The following DCC variants were observed in gnomAD, a reference collection of about 807,000 sequenced individuals.
DCC encodes DCC netrin 1 receptor.
A neutral mutation model predicts 172.5 loss-of-function variants in DCC; 58 were observed. That is an observed-to-expected ratio of 0.34 (90% CI 0.27 to 0.42). The LOEUF (loss-of-function observed/expected upper bound fraction) is 0.42. Among genes scored for constraint, DCC ranks in the 10% least tolerant of loss-of-function variants. The pLI, the probability that DCC is intolerant of heterozygous loss-of-function variation, is 1.00. For synonymous variants in DCC, 709 were observed against 644.5 expected, an observed-to-expected ratio of 1.10 and a Z score of -1.52; for missense variants, 1,740 against 1,791.0, an observed-to-expected ratio of 0.97 and a Z score of 0.51.
intron 9 of DCC, among the ~76,000 whole-genome samples, chr18:53,203,484 G>A (rs559942626): frequency 6.6e-6 from 1 of 152,220 alleles, no homozygotes; most frequent in African/African-American, 2.4e-5. Context: ...CAGGACTGAT[G>A]GGAAATATGT....
intron 21 of DCC, among the ~76,000 whole-genome samples, chr18:53,428,385 G>A (rs1384701311): frequency 5.6e-4 from 22 of 39,478 alleles, no homozygotes; most frequent in African/African-American, 1.4e-3. Flanking sequence ...ATAATATATT[G>A]TATATAATAT....
chr18:53,174,661 A>C (rs1460208837), intron 8 of DCC, among the ~76,000 whole-genome samples: 10 of 149,364 alleles, frequency 6.7e-5, no homozygotes, highest in Middle Eastern at 3.4e-3. Context: ...CAATAACAGG[A>C]TCTGAAATTG....
chr18:52,916,960 A>T (rs952061863), intron 3 of DCC, among the ~76,000 whole-genome samples: 7 of 152,074 alleles, frequency 4.6e-5, no homozygotes, highest in East Asian at 1.9e-4. Context: ...GTGTTTTTTT[A>T]AAAATATTAT....
intron 8 of DCC, among the ~76,000 whole-genome samples, chr18:53,166,327 T>C (rs2054921289): frequency 6.6e-6 from 1 of 151,966 alleles, no homozygotes; most frequent in South Asian, 2.1e-4. Context: ...GACCTTCAAA[T>C]GGGAATGTCC....
intron 2 of DCC, among the ~76,000 whole-genome samples, chr18:52,859,258 G>C (rs898351001): frequency 6.6e-6 from 1 of 152,148 alleles, no homozygotes; most frequent in African/African-American, 2.4e-5. Flanking sequence ...ATGCTTTGTT[G>C]AGGACTAATG....
intron 12 of DCC, among the ~76,000 whole-genome samples, chr18:53,297,407 C>A (rs528044294): frequency 4.6e-5 from 7 of 152,154 alleles, no homozygotes; most frequent in African/African-American, 1.7e-4. Flanking sequence ...CTTATTTTTT[C>A]CCAAATATGA....
At chr18:53,048,554 C>T (rs28474800) in intron 5 of DCC, among the ~76,000 whole-genome samples, 45,671 of 144,408 alleles carry the variant, frequency 0.32, 8,179 homozygotes, top group African/African-American at 0.5. Flanking sequence ...CATATATATG[C>T]ATATGTGTAT....
At chr18:52,429,738 T>C (rs770691972) in intron 1 of DCC, among the ~76,000 whole-genome samples, 1 of 152,140 alleles carries the variant, frequency 6.6e-6, no homozygotes, top group Non-Finnish European at 1.5e-5. Context: ...TTATAACAAA[T>C]CTTAATTTCT....
At chr18:53,157,058 C>T (rs550148271) in intron 7 of DCC, among the ~76,000 whole-genome samples, 3 of 152,288 alleles carry the variant, frequency 2.0e-5, no homozygotes, top group African/African-American at 7.2e-5. Context: ...TTTCTCTCCC[C>T]TTTTCTTCCC....
chr18:52,995,469 GA>G (rs767777603), intron 5 of DCC, among the ~76,000 whole-genome samples: 1 of 126,242 alleles, frequency 7.9e-6, no homozygotes, highest in Non-Finnish European at 1.7e-5. Flanking sequence ...CTTGATTGCA[GA>G]GAAGAAAGTT....
intron 1 of DCC, among the ~76,000 whole-genome samples, chr18:52,566,357 G>A (rs902086935): frequency 3.3e-5 from 5 of 151,966 alleles, no homozygotes; most frequent in African/African-American, 9.7e-5. Context: ...ATCACACGCC[G>A]GGGCCTATCA....
intron 1 of DCC, among the ~76,000 whole-genome samples, chr18:52,456,499 A>G (rs1988460812): frequency 6.6e-6 from 1 of 152,186 alleles, no homozygotes; most frequent in South Asian, 2.1e-4. Flanking sequence ...TTGTTAGTGT[A>G]CCAAGTTTAT....
At chr18:53,428,414 T>A in intron 21 of DCC, among the ~76,000 whole-genome samples, 1 of 45,132 alleles carries the variant, frequency 2.2e-5, no homozygotes, top group African/African-American at 6.3e-5. Flanking sequence ...ATATTACATA[T>A]ATAATATAAT....
chr18:52,840,343 C>T (rs1442484288), intron 2 of DCC, among the ~76,000 whole-genome samples: 1 of 152,124 alleles, frequency 6.6e-6, no homozygotes, highest in Non-Finnish European at 1.5e-5. Flanking sequence ...TGGTCTATCA[C>T]CATGAGACAG....
intron 1 of DCC, among the ~76,000 whole-genome samples, chr18:52,642,735 C>T (rs905898098): frequency 6.6e-6 from 1 of 152,152 alleles, no homozygotes; most frequent in African/African-American, 2.4e-5. Flanking sequence ...ACAATCATAG[C>T]TCACTGCAAC....
chr18:52,703,155 A>C (rs2036153368), intron 1 of DCC, among the ~76,000 whole-genome samples: 1 of 152,304 alleles, frequency 6.6e-6, no homozygotes, highest in Non-Finnish European at 1.5e-5. Context: ...TCTAATTTTT[A>C]AAATCTTCTG....
intron 14 of DCC, among the ~76,000 whole-genome samples, chr18:53,326,703 A>G (rs769056009): frequency 1.3e-5 from 2 of 152,192 alleles, no homozygotes; most frequent in Non-Finnish European, 2.9e-5. Flanking sequence ...ACTTGCACCA[A>G]AAGTTTCTTG....
chr18:52,607,673 G>A (rs755991038), intron 1 of DCC, among the ~76,000 whole-genome samples: 17 of 152,026 alleles, frequency 1.1e-4, no homozygotes, highest in Non-Finnish European at 1.6e-4. Context: ...TTCATTTTGC[G>A]TGGTATCATA....
Position 53,520,811 on chromosome 18 carries a change from G to T in DCC, c.4112-5806G>T, listed in dbSNP as rs2046391151. Among the ~76,000 whole-genome samples, 3 of 151,992 alleles carry T rather than the reference G, an allele frequency of 2.0e-5. No homozygotes were observed. In the South Asian group the frequency reaches 6.2e-4, roughly 32 times the overall value. On this transcript the variant is annotated intron_variant, in intron 27 of 28. Transcript: ENST00000442544. The stretch of plus-strand genomic sequence containing the variant: ...ACTAAAGGGCAATTTTGAGACCACG[G>T]TTGCCTAATTAGTTGTTAATAAATC...
Sources: gnomAD v4.1 joint callset for allele counts (sites outside exome capture counted in the v4.1 genomes callset) on GRCh38, gnomAD v4.1.1 for gene constraint, MANE v1.5 for transcripts, NCBI Gene and HGNC (gene_info 2026-07-23, HGNC 2026-07-21) for gene names.